Variants in SLC6A15 observed in about 807,000 individuals in gnomAD.
The protein encoded by SLC6A15 is sodium-dependent neutral amino acid transporter B(0)AT2.
A neutral mutation model predicts 68.5 loss-of-function variants in SLC6A15; 33 were observed. The observed-to-expected ratio is 0.48, with a 90% CI of 0.37 to 0.64. SLC6A15 has a LOEUF of 0.64. Ranked by LOEUF, SLC6A15 falls within the 30% of genes least tolerant of loss-of-function variation. The pLI is 0.00. For missense variants in SLC6A15, 747 were observed against 874.3 expected (o/e 0.85, Z 1.84); for synonymous variants, 347 against 301.0 (o/e 1.15, Z -1.58).
intron 5 of SLC6A15, chr12:84,883,174 A>G (rs1565726411): frequency 2.0e-6 from 2 of 984,162 alleles, no homozygotes; most frequent in Non-Finnish European, 2.4e-6. Context: ...AAAAAGTAAT[A>G]CGAAAGCAAA....
intron 9 of SLC6A15, among the ~76,000 whole-genome samples, chr12:84,869,327 T>G (rs943081893): frequency 2.0e-5 from 3 of 151,908 alleles, no homozygotes; most frequent in Non-Finnish European, 2.9e-5. Flanking sequence ...CCAAGCGTGT[T>G]GGCACGCGCC....
chr12:84,873,385 AT>A, intron 6 of SLC6A15, 57 bp from the exon 7 acceptor site: 6 of 1,571,702 alleles, frequency 3.8e-6, no homozygotes, highest in East Asian at 2.2e-5. Flanking sequence ...AGAATAATTA[AT>A]TTTTATGGAA....
At chr12:84,882,481 T>G (rs374282652) in intron 5 of SLC6A15, 1 of 935,982 alleles carries the variant, frequency 1.1e-6, no homozygotes. Context: ...TCAGCTACAA[T>G]TTACAAGTTA....
At chr12:84,901,062 G>A (rs12368511) in intron 1 of SLC6A15, among the ~76,000 whole-genome samples, 2,916 of 148,514 alleles carry the variant, frequency 0.02, 72 homozygotes, top group South Asian at 0.096. Context: ...ATATGTATAC[G>A]TATATGTGTG....
intron 8 of SLC6A15, among the ~76,000 whole-genome samples, chr12:84,872,109 A>T (rs1028885157): frequency 6.6e-6 from 1 of 151,700 alleles, no homozygotes. Flanking sequence ...GTGAGCCAAG[A>T]TCGCACCACT....
chr12:84,864,320 C>CTTTTTTTTT (rs551232166), intron 10 of SLC6A15, among the ~76,000 whole-genome samples: 1 of 131,756 alleles, frequency 7.6e-6, no homozygotes, highest in African/African-American at 2.8e-5. Flanking sequence ...TTCTTTCTTT[C>CTTTTTTTTT]TTTTTTTTTT....
At chr12:84,887,966 C>T (rs964779987) in intron 2 of SLC6A15, among the ~76,000 whole-genome samples, 1 of 151,912 alleles carries the variant, frequency 6.6e-6, no homozygotes, top group Non-Finnish European at 1.5e-5. Context: ...TGGCTCATGC[C>T]TGTAATCTCA....
rs1871250003 is a variant in SLC6A15 at position 84,870,682 on chromosome 12, A to C, written c.1303-12T>G. On this transcript the variant is annotated splice_polypyrimidine_tract_variant and intron_variant, in intron 8 of 11. Transcript: ENST00000266682. Reference sequence around the variant, plus strand: ...GTCCCCTGAACAGCCTGCAAAATACACAAAATAGCAACATTAGTACAGAGT... The same window carrying C: ...GTCCCCTGAACAGCCTGCAAAATACCCAAAATAGCAACATTAGTACAGAGT... The C allele has an allele frequency of 6.3e-7, 1 of 1,584,518 alleles. No individual in the cohort carries two copies. The highest frequency in any genetic ancestry group is 1.4e-5 in the African/African-American group (1 of 74,052).
chr12:84,876,545 G>T lies in SLC6A15; in HGVS notation c.819C>A (p.Phe273Leu). 2 of 1,600,760 alleles carry T rather than the reference G, an allele frequency of 1.2e-6. No homozygotes were observed. The highest frequency in any genetic ancestry group is 1.7e-6 in the Non-Finnish European group (2 of 1,173,978). Reference sequence around the variant, plus strand: ...TGCCATCAATTGAACCATTTAAAAGGAATGCTCTGATGAGGAAGCAAATAA... The same window carrying T: ...TGCCATCAATTGAACCATTTAAAAGTAATGCTCTGATGAGGAAGCAAATAA... ...VVLICFLIRAFLLNGSIDGIR... is the reference protein window; with the variant it reads ...VVLICFLIRALLLNGSIDGIR... Residue 273 changes from phenylalanine to leucine, a missense_variant, in exon 6 of 12, where the codon TTC becomes TTA. By Grantham distance (22) the Phe-to-Leu change is conservative. Coordinates refer to ENST00000266682, the MANE Select transcript of SLC6A15 (RefSeq NM_182767.6).
Position 84,863,505 on chromosome 12 carries a change from C to T in SLC6A15, c.1752G>A (p.Leu584=). The change falls in exon 11 of 12, where the codon TTG becomes TTA. Residue 584 remains leucine, a synonymous_variant. Transcript: ENST00000266682. ...CCATATTCACAACACTAGCTATTAGCAATGATAATAGCATTAGAGGAGAAA... is the reference window on the plus strand; with the variant it reads ...CCATATTCACAACACTAGCTATTAGTAATGATAATAGCATTAGAGGAGAAA... ...KYISPLMLLS[L]LIASVVNMGL... 6.3e-7 allele frequency: 1 copy of T among 1,596,474 alleles called. No individual in the cohort carries two copies. The highest frequency in any genetic ancestry group is 8.5e-7 in the Non-Finnish European group (1 of 1,173,004).
At chr12:84,904,224 G>GGAGAGAGAGAGAGA (rs370457657) in intron 1 of SLC6A15, among the ~76,000 whole-genome samples, 4,088 of 121,878 alleles carry the variant, frequency 0.034, 110 homozygotes, top group African/African-American at 0.042. Flanking sequence ...GGGCGGAGGG[G>GGAGAGAGAGAGAGA]GAGAGAGAGA....
intron 6 of SLC6A15, chr12:84,874,631 A>G (rs1324021707): frequency 6.6e-6 from 1 of 152,224 alleles, no homozygotes; most frequent in East Asian, 1.9e-4. Flanking sequence ...AAACATAATC[A>G]TGATTATCTT....
intron 3 of SLC6A15, 72 bp from the exon 4 acceptor site, chr12:84,885,633 A>C (rs914612510): frequency 7.0e-7 from 1 of 1,418,836 alleles, no homozygotes; most frequent in Non-Finnish European, 9.6e-7. Flanking sequence ...CAAATGCATA[A>C]AATTTTATTT....
intron 9 of SLC6A15, among the ~76,000 whole-genome samples, 160 bp downstream of exon 9, chr12:84,870,299 AAAAATTATACAATTAAAAT>A (rs1316030758): frequency 2.7e-5 from 4 of 150,302 alleles, no homozygotes; most frequent in African/African-American, 9.7e-5. Flanking sequence ...TACATACAAT[AAAAATTATACAATTAAAAT>A]AAAATAAAAT....
chr12:84,876,801 T>C (rs900642390), intron 5 of SLC6A15, among the ~76,000 whole-genome samples, 194 bp from the exon 6 acceptor site: 3 of 152,202 alleles, frequency 2.0e-5, no homozygotes, highest in Non-Finnish European at 4.4e-5. Flanking sequence ...TTATTTGAGA[T>C]ACAATTTACA....
chr12:84,868,529 G>C (rs1227220113), intron 9 of SLC6A15, among the ~76,000 whole-genome samples: 1 of 152,108 alleles, frequency 6.6e-6, no homozygotes, highest in African/African-American at 2.4e-5. Context: ...ATATAAAAAA[G>C]TGCATTATAA....
chr12:84,882,746 T>C (rs1289861511), intron 5 of SLC6A15: 1 of 171,918 alleles, frequency 5.8e-6, no homozygotes, highest in African/African-American at 2.4e-5. Context: ...ATCTGTAAAA[T>C]GGTTCTGAAA....
chr12:84,862,141 TAGA>T, intron 11 of SLC6A15, 135 bp from the exon 12 acceptor site: 1 of 843,892 alleles, frequency 1.2e-6, no homozygotes, highest in Non-Finnish European at 1.8e-6. Context: ...TAGAAAGCAG[TAGA>T]AGTGACACTC....
At chr12:84,885,886 C>T in intron 3 of SLC6A15, 25 bp downstream of exon 3, 1 of 1,588,342 alleles carries the variant, frequency 6.3e-7, no homozygotes, top group Non-Finnish European at 8.6e-7. Flanking sequence ...AAGATTACAG[C>T]ATACACCAAC....
Sources: allele counts gnomAD v4.1 joint callset (sites outside exome capture counted in the v4.1 genomes callset), GRCh38; gene constraint gnomAD v4.1.1; transcripts MANE v1.5; gene names NCBI Gene and HGNC (gene_info 2026-07-23, HGNC 2026-07-21).